The following PRKCZ variants were observed in gnomAD, a reference collection of about 807,000 sequenced individuals.
PRKCZ encodes protein kinase C zeta, also known as protein kinase C zeta type.
A neutral mutation model predicts 79.5 loss-of-function variants in PRKCZ; 33 were observed. That is an observed-to-expected ratio of 0.41 (90% CI 0.31 to 0.55). The LOEUF is 0.55. Ranked by LOEUF, PRKCZ falls within the 20% of genes least tolerant of loss-of-function variation. PRKCZ has a pLI of 0.19. For synonymous variants in PRKCZ, 342 were observed against 320.9 expected, an observed-to-expected ratio of 1.07 and a Z score of -0.70; for missense variants, 578 against 813.5, an observed-to-expected ratio of 0.71 and a Z score of 3.52.
At position 2,185,223 on chromosome 1, in the gene PRKCZ, C is replaced by G. The variant is rs987213486; in HGVS notation, c.*214C>G. ...GCAGGCCAGCTTCGTGCTGGAGGAA[C>G]TTGCTGCTGTGCCTGCGTCGCGGCG... On this transcript the variant is annotated 3_prime_UTR_variant, in exon 18 of 18. Coordinates refer to ENST00000378567, the MANE Select transcript of PRKCZ (RefSeq NM_002744.6). 4 of 707,944 alleles carry G rather than the reference C, an allele frequency of 5.7e-6. No homozygotes were observed. Among genetic ancestry groups the G allele is most frequent in the Admixed American group, 2.0e-5 (1 of 49,840 alleles). 43.9% of individuals were successfully genotyped at this position (707,944 alleles called of 1,614,324 possible). A position where few individuals can be genotyped will look rare whatever the true frequency, so the allele number is the denominator to read the frequency against.
chr1:2,143,880 G>T, intron 5 of PRKCZ: 1 of 257,728 alleles, frequency 3.9e-6, no homozygotes, highest in South Asian at 5.1e-5. Flanking sequence ...AGCAGGAGCT[G>T]CAGCCCCCCA....
chr1:2,144,591 C>T (rs976150892), intron 6 of PRKCZ: 7 of 1,356,034 alleles, frequency 5.2e-6, no homozygotes, highest in Middle Eastern at 3.9e-4. Context: ...TCAGGTAGGA[C>T]GTGGTACGCT....
chr1:2,110,866 T>C (rs1421781708), intron 4 of PRKCZ, among the ~76,000 whole-genome samples: 1 of 151,154 alleles, frequency 6.6e-6, no homozygotes, highest in Non-Finnish European at 1.5e-5. Context: ...GTGGACTCTG[T>C]GGGGCCAGGG....
rs756011524 is a variant in PRKCZ at position 2,175,297 on chromosome 1, G to C, written c.1559G>C (p.Ser520Thr). 8 of 1,613,240 alleles carry C rather than the reference G, an allele frequency of 5.0e-6. No individual in the cohort carries two copies. In the African/African-American group the frequency reaches 8.0e-5, roughly 16 times the overall value. The part of the protein sequence containing the change: ...SDIKSHAFFR[S>T]IDWDLLEKKQ... Reference sequence around the variant, plus strand: ...ATCAAGTCCCACGCGTTCTTCCGCAGCATAGACTGGGACTTGGTAAAGCAT... The same window carrying C: ...ATCAAGTCCCACGCGTTCTTCCGCACCATAGACTGGGACTTGGTAAAGCAT... The change falls in exon 16 of 18, where the codon AGC becomes ACC. Residue 520 changes from serine to threonine, a missense_variant. By Grantham distance (58) the Ser-to-Thr change is moderately conservative. Transcript: ENST00000378567.
chr1:2,180,253 G>C (rs1224399003), intron 16 of PRKCZ, among the ~76,000 whole-genome samples: 1 of 151,520 alleles, frequency 6.6e-6, no homozygotes, highest in East Asian at 1.9e-4. Context: ...TTGAGTGGGT[G>C]GATCCTCGGT....
rs12023201 is a variant in PRKCZ at position 2,110,291 on chromosome 1, C to T, written c.335-24971C>T. Among the ~76,000 whole-genome samples the T allele has an allele frequency of 1.7e-3, 261 of 152,324 alleles. 6 individuals carry two copies. In the East Asian group the frequency reaches 0.025, roughly 15 times the overall value. On this transcript the variant is annotated intron_variant, in intron 4 of 17. Transcript: ENST00000378567. ...AGGATCCCAGAGGTGAGAAACAGAA[C>T]GGCCAGGGCTGAATCTGCCTCCAGC... is the stretch of plus-strand genomic sequence containing the variant.
intron 10 of PRKCZ, among the ~76,000 whole-genome samples, chr1:2,166,441 G>A (rs949058040): frequency 1.3e-5 from 2 of 152,150 alleles, no homozygotes; most frequent in African/African-American, 2.4e-5. Flanking sequence ...CCGAGGGCAC[G>A]TGTCTCATGA....
chr1:2,167,059 G>A (rs1454921441), intron 10 of PRKCZ, among the ~76,000 whole-genome samples: 2 of 152,230 alleles, frequency 1.3e-5, no homozygotes, highest in African/African-American at 2.4e-5. Context: ...GTCCTGGTGG[G>A]TTTTTGCTCT....
At chr1:2,095,552 A>AG (rs1666305711) in intron 4 of PRKCZ, among the ~76,000 whole-genome samples, 1 of 151,970 alleles carries the variant, frequency 6.6e-6, no homozygotes, top group East Asian at 1.9e-4. Context: ...TTCAGAGAAG[A>AG]GGGGGAGGAT....
intron 9 of PRKCZ, among the ~76,000 whole-genome samples, chr1:2,152,197 A>G (rs1263379547): frequency 6.6e-6 from 1 of 152,072 alleles, no homozygotes; most frequent in Non-Finnish European, 1.5e-5. Context: ...TTTTCTTTTA[A>G]TTAAAGTAAA....
chr1:2,157,864 T>G (rs569623909), intron 10 of PRKCZ, among the ~76,000 whole-genome samples: 13 of 152,286 alleles, frequency 8.5e-5, no homozygotes, highest in Admixed American at 2.0e-4. Context: ...GCATGTTATA[T>G]CCGTGTAGGG....
intron 4 of PRKCZ, chr1:2,116,419 T>C (rs914980695): frequency 6.6e-6 from 1 of 152,216 alleles, no homozygotes; most frequent in Non-Finnish European, 1.5e-5. Context: ...AACAATGTCA[T>C]TGGGGGGTCC....
chr1:2,118,624 A>C (rs1671223136), intron 4 of PRKCZ, among the ~76,000 whole-genome samples: 2 of 152,070 alleles, frequency 1.3e-5, no homozygotes. Flanking sequence ...GGCGTGAGCC[A>C]CTGTGCCCGG....
At chr1:2,167,649 G>A (rs1484907204) in intron 10 of PRKCZ, among the ~76,000 whole-genome samples, 1 of 152,160 alleles carries the variant, frequency 6.6e-6, no homozygotes, top group African/African-American at 2.4e-5. Flanking sequence ...TGTCGCCCAG[G>A]CTGGAGTGCA....
intron 5 of PRKCZ, among the ~76,000 whole-genome samples, chr1:2,136,993 C>T (rs890808419): frequency 3.3e-5 from 5 of 152,128 alleles, no homozygotes; most frequent in Admixed American, 2.6e-4. Flanking sequence ...GCGCACAAGA[C>T]GAAGTCTTAC....
At chr1:2,112,604 CAG>C (rs1669966059) in intron 4 of PRKCZ, among the ~76,000 whole-genome samples, 3 of 152,244 alleles carry the variant, frequency 2.0e-5, no homozygotes, top group Admixed American at 2.0e-4. Flanking sequence ...GTAATCATCA[CAG>C]TACTCAAAAA....
chr1:2,061,103 GTTTA>G (rs975732189), intron 4 of PRKCZ, among the ~76,000 whole-genome samples: 10 of 152,242 alleles, frequency 6.6e-5, no homozygotes, highest in African/African-American at 2.4e-4. Flanking sequence ...CACGGGCCGT[GTTTA>G]TTTGCCACCT....
At chr1:2,053,042 A>G (rs1054803504) in intron 1 of PRKCZ, among the ~76,000 whole-genome samples, 4 of 151,518 alleles carry the variant, frequency 2.6e-5, no homozygotes, top group Non-Finnish European at 5.9e-5. Flanking sequence ...CCAGACTCCC[A>G]CGCTGAGTCT....
At chr1:2,143,894 C>A (rs1019248984) in intron 5 of PRKCZ, 1 of 278,948 alleles carries the variant, frequency 3.6e-6, no homozygotes, top group South Asian at 4.6e-5. Flanking sequence ...CCCCCCAGCC[C>A]CTGCAAGCCA....
Sources: gnomAD v4.1 joint callset for allele counts (sites outside exome capture counted in the v4.1 genomes callset) on GRCh38, gnomAD v4.1.1 for gene constraint, MANE v1.5 for transcripts, NCBI Gene and HGNC (gene_info 2026-07-23, HGNC 2026-07-21) for gene names.